LY75: variants seen among roughly 807,000 people sequenced by gnomAD.
LY75 encodes lymphocyte antigen 75.
Under a neutral mutation model 231.7 loss-of-function variants are expected in LY75, and 185 were observed. That is an observed-to-expected ratio of 0.80 (90% CI 0.71 to 0.90). The LOEUF (loss-of-function observed/expected upper bound fraction) is 0.90. Among genes scored for constraint, LY75 ranks in the 40% least tolerant of loss-of-function variants. The pLI is 0.00. For missense variants in LY75, 1,947 were observed against 2,050.2 expected (o/e 0.95, Z 0.97); for synonymous variants, 668 against 689.0 (o/e 0.97, Z 0.48).
intron 23 of LY75, among the ~76,000 whole-genome samples, chr2:159,849,384 A>G (rs894908009): frequency 6.6e-6 from 1 of 152,248 alleles, no homozygotes; most frequent in East Asian, 1.9e-4. Flanking sequence ...CCCTTCTCTG[A>G]CTTCCCTATA....
intron 30 of LY75, 130 bp from the exon 31 acceptor site, chr2:159,815,703 T>G (rs978609991): frequency 9.9e-6 from 11 of 1,114,336 alleles, no homozygotes; most frequent in East Asian, 5.5e-5. Flanking sequence ...ATTGTAGGTC[T>G]GAACCTACTA....
intron 25 of LY75, among the ~76,000 whole-genome samples, chr2:159,836,435 C>A (rs1451235655): frequency 6.6e-6 from 1 of 152,114 alleles, no homozygotes; most frequent in East Asian, 1.9e-4. Context: ...TACACCCTGC[C>A]AAGGTCCTGA....
chr2:159,886,283 A>G, intron 5 of LY75, 137 bp downstream of exon 5: 2 of 931,016 alleles, frequency 2.1e-6, no homozygotes, highest in Non-Finnish European at 2.9e-6. Context: ...ATGGTTTAGG[A>G]AGAAAAAATT....
At chr2:159,889,551 A>T (rs1685691905) in intron 4 of LY75, among the ~76,000 whole-genome samples, 1 of 152,122 alleles carries the variant, frequency 6.6e-6, no homozygotes, top group Non-Finnish European at 1.5e-5. Context: ...TGAATCTATG[A>T]TTCAATACAA....
At chr2:159,840,556 T>C (rs768283099) in intron 25 of LY75, among the ~76,000 whole-genome samples, 173 bp downstream of exon 25, 1 of 152,108 alleles carries the variant, frequency 6.6e-6, no homozygotes, top group African/African-American at 2.4e-5. Flanking sequence ...TGGGTGACAG[T>C]GTGAGCCTTT....
intron 25 of LY75, among the ~76,000 whole-genome samples, chr2:159,840,016 A>AAAAAAAAAAAAAAG (rs1324948536): frequency 6.7e-6 from 1 of 149,750 alleles, no homozygotes; most frequent in African/African-American, 2.5e-5. Context: ...AAAAAAAAAA[A>AAAAAAAAAAAAAAG]AAAGAAAAAG....
At chr2:159,856,935 C>A (rs11675122) in intron 16 of LY75, among the ~76,000 whole-genome samples, 60,900 of 151,908 alleles carry the variant, frequency 0.4, 12,956 homozygotes, top group South Asian at 0.67. Context: ...CAGCTCCCAT[C>A]GAGGGCACTT....
At chr2:159,817,313 C>G (rs149365149) in intron 29 of LY75, among the ~76,000 whole-genome samples, 60 of 152,260 alleles carry the variant, frequency 3.9e-4, no homozygotes, top group African/African-American at 1.4e-3. Flanking sequence ...GATGGCAAAA[C>G]TGTTAACCAG....
intron 8 of LY75, among the ~76,000 whole-genome samples, chr2:159,880,582 T>C (rs1448977717): frequency 6.6e-6 from 1 of 152,236 alleles, no homozygotes; most frequent in Non-Finnish European, 1.5e-5. Flanking sequence ...CCAGAAAAGA[T>C]GCTCTCAGAT....
At chr2:159,878,300 T>C (rs369377085) in intron 11 of LY75, 24 bp downstream of exon 11, 1 of 1,610,712 alleles carries the variant, frequency 6.2e-7, no homozygotes, top group Non-Finnish European at 8.5e-7. Flanking sequence ...AGTATACTAC[T>C]ACTTCAAAGA....
At chr2:159,858,993 G>T (rs927373424) in intron 15 of LY75, among the ~76,000 whole-genome samples, 3 of 152,192 alleles carry the variant, frequency 2.0e-5, no homozygotes, top group African/African-American at 7.2e-5. Flanking sequence ...TTTCTCTTAA[G>T]ACCAAGTTTC....
exon 1 of LY75, chr2:159,904,730 TCCCGCCCCGCCTGCTGAGCGCGGCCTGC>T: frequency 1.5e-6 from 2 of 1,369,054 alleles, no homozygotes; most frequent in Non-Finnish European, 1.9e-6. Flanking sequence ...CGCACGCGGC[TCCCGCCCCGCCTGCTGAGCGCGGCCTGC>T]CCCGCCCGCA....
At chr2:159,810,412 T>G (rs567748168) in intron 32 of LY75, 114 bp downstream of exon 32, 14 of 1,400,712 alleles carry the variant, frequency 1.0e-5, no homozygotes, top group Admixed American at 2.4e-5. Flanking sequence ...CTATTAGAAA[T>G]GGAAAGTGCT....
At chr2:159,870,094 G>GT (rs1293738668) in intron 13 of LY75, among the ~76,000 whole-genome samples, 3 of 152,130 alleles carry the variant, frequency 2.0e-5, no homozygotes, top group African/African-American at 7.2e-5. Context: ...TTTTGCATTA[G>GT]ATTCCCAGTA....
chr2:159,813,328 T>C (rs960640222), intron 31 of LY75, among the ~76,000 whole-genome samples: 1 of 128,314 alleles, frequency 7.8e-6, no homozygotes, highest in African/African-American at 2.6e-5. Flanking sequence ...TTATTCTCTG[T>C]TTTGTTTTTT....
chr2:159,831,435 G>C (rs533947073), intron 28 of LY75, among the ~76,000 whole-genome samples: 1 of 152,214 alleles, frequency 6.6e-6, no homozygotes, highest in African/African-American at 2.4e-5. Context: ...GTTCTTTTTA[G>C]CAGTGCGGGA....
intron 23 of LY75, among the ~76,000 whole-genome samples, chr2:159,849,453 G>A (rs1407335843): frequency 1.3e-5 from 2 of 152,104 alleles, no homozygotes; most frequent in African/African-American, 4.8e-5. Context: ...TGCCTCAGGA[G>A]ACTGAGGCTG....
intron 13 of LY75, among the ~76,000 whole-genome samples, chr2:159,869,631 C>G (rs958051888): frequency 1.3e-5 from 2 of 152,162 alleles, no homozygotes; most frequent in Non-Finnish European, 2.9e-5. Context: ...GTCATTGGGT[C>G]AGGTGATTGT....
intron 3 of LY75, among the ~76,000 whole-genome samples, chr2:159,891,524 G>A (rs747068174): frequency 1.8e-4 from 27 of 152,082 alleles, no homozygotes; most frequent in Non-Finnish European, 3.4e-4. Flanking sequence ...TATACAACAT[G>A]ACCTCCATGA....
Sources: allele counts gnomAD v4.1 joint callset (sites outside exome capture counted in the v4.1 genomes callset), GRCh38; gene constraint gnomAD v4.1.1; transcripts MANE v1.5; gene names NCBI Gene and HGNC (gene_info 2026-07-23, HGNC 2026-07-21).